DYSF: variants seen among roughly 807,000 people sequenced by gnomAD.
DYSF encodes the protein dysferlin.
DYSF carries 212 observed loss-of-function variants against 274.9 expected under a neutral mutation model. The ratio of observed to expected loss-of-function variants is 0.77; its 90% CI spans 0.69 to 0.86. DYSF has a LOEUF of 0.86. Ranked by LOEUF, DYSF falls within the 40% of genes least tolerant of loss-of-function variation. DYSF has a pLI of 0.00. For missense variants in DYSF, 2,666 were observed against 2,783.2 expected (o/e 0.96, Z 0.95); for synonymous variants, 1,091 against 1,078.7 (o/e 1.01, Z -0.22).
intron 3 of DYSF, among the ~76,000 whole-genome samples, chr2:71,487,079 G>T (rs186917532): frequency 2.0e-3 from 305 of 152,326 alleles, no homozygotes; most frequent in African/African-American, 6.8e-3. Flanking sequence ...TACTCTCCAG[G>T]TGCTGGTGTT....
rs568712034 is a variant in DYSF, at chr2:71,484,915, C to T, written c.239+2945C>T. On this transcript the variant is annotated intron_variant, in intron 3 of 55. Transcript: ENST00000410020. ...GGAAGCTTCGAACCTTGGGGTCCTCCCATTGGCCCCTGTGGGTGTTCTCTA... is the reference window on the plus strand; with the variant it reads ...GGAAGCTTCGAACCTTGGGGTCCTCTCATTGGCCCCTGTGGGTGTTCTCTA... 1.1e-4 allele frequency among the ~76,000 whole-genome samples: 16 copies of T among 152,274 alleles called. 1 individual carries two copies. The East Asian group carries it at 3.1e-3, about 29-fold the overall frequency.
intron 52 of DYSF, among the ~76,000 whole-genome samples, chr2:71,677,824 G>C (rs1475134848): frequency 6.6e-6 from 1 of 152,174 alleles, no homozygotes; most frequent in African/African-American, 2.4e-5. Context: ...AATGAACAAA[G>C]AATCCTACTC....
chr2:71,554,286 G>T (rs2091186076), intron 21 of DYSF, among the ~76,000 whole-genome samples: 1 of 152,230 alleles, frequency 6.6e-6, no homozygotes, highest in Non-Finnish European at 1.5e-5. Context: ...ACAAGGGCTT[G>T]TGCTAGAAAC....
At chr2:71,453,928 C>T (rs989661023) in exon 1 of DYSF, 3 of 1,483,656 alleles carry the variant, frequency 2.0e-6, no homozygotes, top group Admixed American at 1.7e-5. Flanking sequence ...CCACAAGCGG[C>T]GCCTCGGCCC....
chr2:71,542,012 C>G (rs1162173704), intron 17 of DYSF, among the ~76,000 whole-genome samples: 1 of 152,134 alleles, frequency 6.6e-6, no homozygotes, highest in African/African-American at 2.4e-5. Flanking sequence ...TGACATTATG[C>G]CATGGACAGC....
At position 71,668,809 on chromosome 2, in the gene DYSF, C is replaced by T. The variant is rs761575935; in HGVS notation, c.5513C>T (p.Pro1838Leu). ...LFPKALGRPG[P>L]PFNITPRRAR... ...CCGAAGGCCCTGGGGCGGCCTGGAC[C>T]TCCCTTCAACATCACCCCACGGAGA... Residue 1838 changes from proline (P) to leucine (L), a missense_variant, in exon 49 of 56, where the codon CCT (proline) becomes CTT (leucine). Around this residue, in one of 3 missense-constraint regions of DYSF, gnomAD observed 1,460 missense variants for 1,502.1 expected, o/e 0.97. Coordinates refer to ENST00000410020, the MANE Select transcript of DYSF (RefSeq NM_001130987.2). 1.2e-6 allele frequency: 2 copies of T among 1,613,920 alleles called. No homozygotes were observed. The highest frequency in any genetic ancestry group is 8.5e-7 in the Non-Finnish European group (1 of 1,179,996).
chr2:71,496,558 G>A (rs1237119080), intron 3 of DYSF, among the ~76,000 whole-genome samples: 3 of 152,166 alleles, frequency 2.0e-5, no homozygotes, highest in Admixed American at 2.0e-4. Flanking sequence ...TACCGACATA[G>A]ACGGTAGGGG....
intron 21 of DYSF, among the ~76,000 whole-genome samples, chr2:71,554,678 G>T (rs1202523168): frequency 6.6e-6 from 1 of 152,204 alleles, no homozygotes; most frequent in Non-Finnish European, 1.5e-5. Flanking sequence ...CTGAGGAAGG[G>T]CTATAAGGAG....
rs770135312 is a variant in DYSF at position 71,613,355 on chromosome 2, C to T, written c.4409C>T (p.Pro1470Leu). 2 of 1,613,302 alleles carry T rather than the reference C, an allele frequency of 1.2e-6. No individual in the cohort carries two copies. The highest frequency in any genetic ancestry group is 2.7e-5 in the African/African-American group (2 of 74,864). Residue 1470 changes from proline to leucine, a missense_variant, in exon 40 of 56, where the codon CCT becomes CTT. Transcript: ENST00000410020. ...GGPDDVSLLSPGEDVLIDIDD... is the reference protein window; with the variant it reads ...GGPDDVSLLSLGEDVLIDIDD... ...GCAGACGATGTGAGCCTACTCAGTC[C>T]TGGGGAAGACGTGCTCATCGACATT...
At chr2:71,618,457 TGTGTGTGTGTGGTAGAG>T (rs1439130616) in intron 40 of DYSF, among the ~76,000 whole-genome samples, 10 of 4,766 alleles carry the variant, frequency 2.1e-3, no homozygotes, top group African/African-American at 6.9e-3. Flanking sequence ...GAGGTGGGGT[TGTGTGTGTGTGGTAGAG>T]GTGTGTGTGT....
intron 27 of DYSF, 135 bp from the exon 28 acceptor site, chr2:71,570,094 A>C: frequency 9.4e-7 from 1 of 1,066,366 alleles, no homozygotes; most frequent in East Asian, 2.4e-5. Flanking sequence ...CAGTGGTGGC[A>C]GGACACTGAC....
At chr2:71,475,250 C>A (rs150349024) in intron 1 of DYSF, among the ~76,000 whole-genome samples, 33 of 152,302 alleles carry the variant, frequency 2.2e-4, no homozygotes, top group African/African-American at 7.5e-4. Context: ...TTGGGGCGTT[C>A]CCTGGAAACA....
Position 71,564,208 on chromosome 2 carries a change from C to T in DYSF, c.2560C>T (p.Leu854=). The T allele has an allele frequency of 6.2e-7, 1 of 1,614,264 alleles. No homozygotes were observed. Among genetic ancestry groups the T allele is most frequent in the Non-Finnish European group, 8.5e-7 (1 of 1,180,048 alleles). Reference sequence around the variant, plus strand: ...TTGTGGGAAGCTACAGACAATCTTTCTGAAAGTGAGTTTTCTTTTTTCCCA... The same window carrying T: ...TTGTGGGAAGCTACAGACAATCTTTTTGAAAGTGAGTTTTCTTTTTTCCCA... ...KNCGKLQTIF[L]KYPMEKVPGA... Residue 854 remains leucine, a synonymous_variant, in exon 24 of 56, where the codon CTG becomes TTG. Coordinates refer to ENST00000410020, the MANE Select transcript of DYSF (RefSeq NM_001130987.2).
intron 32 of DYSF, among the ~76,000 whole-genome samples, chr2:71,595,095 T>C (rs2093369069): frequency 6.6e-6 from 1 of 152,226 alleles, no homozygotes; most frequent in Non-Finnish European, 1.5e-5. Flanking sequence ...CCCAGGAATA[T>C]GGGAAAAGGG....
In DYSF at chr2:71,457,684, T is replaced by C. The variant is rs562294342; in HGVS notation, c.88+3598T>C. ...GGGGTCCTTGCTCTCTGCCTCACCCTCTCTATATCTGATAGGACCAATCAG... is the reference window on the plus strand; with the variant it reads ...GGGGTCCTTGCTCTCTGCCTCACCCCCTCTATATCTGATAGGACCAATCAG... On this transcript the variant is annotated intron_variant, in intron 1 of 54. Transcript: ENST00000258104. Among the ~76,000 whole-genome samples, 18 of 152,188 alleles carry C rather than the reference T, an allele frequency of 1.2e-4. No homozygotes were observed. The Middle Eastern group carries it at 0.014, about 115-fold the overall frequency.
At chr2:71,653,729 G>A (rs2094712332) in intron 42 of DYSF, among the ~76,000 whole-genome samples, 1 of 151,494 alleles carries the variant, frequency 6.6e-6, no homozygotes, top group South Asian at 2.1e-4. Context: ...GTTAATGGGT[G>A]CAGCACACCA....
chr2:71,614,227 G>A (rs914705441), intron 40 of DYSF, among the ~76,000 whole-genome samples: 12 of 152,204 alleles, frequency 7.9e-5, no homozygotes, highest in African/African-American at 2.7e-4. Flanking sequence ...ATCTGTTCCA[G>A]GTTGTCACCC....
At chr2:71,662,073 C>A (rs1333503350) in intron 45 of DYSF, among the ~76,000 whole-genome samples, 2 of 152,150 alleles carry the variant, frequency 1.3e-5, no homozygotes, top group African/African-American at 4.8e-5. Flanking sequence ...CAGGAACACA[C>A]CCCTCCCATG....
chr2:71,631,892 A>G (rs928921824), intron 41 of DYSF, among the ~76,000 whole-genome samples: 4 of 151,962 alleles, frequency 2.6e-5, no homozygotes, highest in African/African-American at 9.7e-5. Flanking sequence ...TGTCTGGCAA[A>G]CTTCAGGGCT....
Sources: gnomAD v4.1 joint callset for allele counts (sites outside exome capture counted in the v4.1 genomes callset) on GRCh38, gnomAD v4.1.1 for gene constraint, gnomAD v4.1.1 regional missense constraint, MANE v1.5 for transcripts, NCBI Gene and HGNC (gene_info 2026-07-23, HGNC 2026-07-21) for gene names.